FRYL: variants seen among roughly 807,000 people sequenced by gnomAD.
The protein encoded by FRYL is FRY like transcription coactivator.
Under a neutral mutation model 351.2 loss-of-function variants are expected in FRYL, and 150 were observed. The observed-to-expected ratio is 0.43, with a 90% CI of 0.37 to 0.49. The LOEUF (loss-of-function observed/expected upper bound fraction) is 0.49, where lower values mean the gene tolerates loss of function less well. Among genes scored for constraint, FRYL ranks in the 20% least tolerant of loss-of-function variants. FRYL has a pLI of 0.00. For missense variants in FRYL, 3,036 were observed against 3,619.3 expected, an observed-to-expected ratio of 0.84 and a Z score of 4.13; for synonymous variants, 1,153 against 1,257.1, an observed-to-expected ratio of 0.92 and a Z score of 1.75.
chr4:48,565,084 G>C, intron 29 of FRYL, 41 bp from the exon 30 acceptor site: 1 of 1,174,758 alleles, frequency 8.5e-7, no homozygotes. Flanking sequence ...ACAAATTTAA[G>C]AGGTTAAATG....
At chr4:48,711,660 C>A (rs1465465452) in intron 1 of FRYL, among the ~76,000 whole-genome samples, 1 of 152,178 alleles carries the variant, frequency 6.6e-6, no homozygotes, top group Non-Finnish European at 1.5e-5. Context: ...AAAAAGACAG[C>A]AGTAACCTCT....
At chr4:48,535,988 C>T (rs1334233321) in intron 47 of FRYL, among the ~76,000 whole-genome samples, 161 bp from the exon 48 acceptor site, 4 of 152,124 alleles carry the variant, frequency 2.6e-5, no homozygotes, top group Non-Finnish European at 5.9e-5. Context: ...AAAAAAAGCA[C>T]AAGGCATTCT....
At chr4:48,565,426 C>T in intron 29 of FRYL, 105 bp downstream of exon 29, 1 of 798,886 alleles carries the variant, frequency 1.3e-6, no homozygotes, top group Non-Finnish European at 1.8e-6. Context: ...GGCAGAAAAA[C>T]ATTTTAATAC....
chr4:48,670,891 A>C (rs187090940), intron 3 of FRYL, among the ~76,000 whole-genome samples: 1 of 152,322 alleles, frequency 6.6e-6, no homozygotes, highest in Admixed American at 6.5e-5. Context: ...TGTTGTGAAT[A>C]GTGCTGCAAT....
rs370047744 is a variant in FRYL at position 48,536,849 on chromosome 4, G to A, written c.6394-1022C>T. Among the ~76,000 whole-genome samples the A allele has an allele frequency of 1.2e-4, 19 of 152,236 alleles. No individual in the cohort carries two copies. In the East Asian group the frequency reaches 3.7e-3, roughly 29 times the overall value. On this transcript the variant is annotated intron_variant, in intron 47 of 63. Coordinates refer to ENST00000358350, the MANE Select transcript of FRYL (RefSeq NM_015030.2). ...GAATATCACTAATTTTGGTAATTCGGAAGATGTTTAATAGGCTTGGAGGGC... is the reference window on the plus strand; with the variant it reads ...GAATATCACTAATTTTGGTAATTCGAAAGATGTTTAATAGGCTTGGAGGGC...
At chr4:48,588,669 G>A (rs983703017) in intron 18 of FRYL, among the ~76,000 whole-genome samples, 1 of 152,014 alleles carries the variant, frequency 6.6e-6, no homozygotes, top group African/African-American at 2.4e-5. Flanking sequence ...AAAGGCATTG[G>A]CCCATGGGCC....
chr4:48,671,332 A>G (rs1578651323), intron 3 of FRYL, among the ~76,000 whole-genome samples: 1 of 152,166 alleles, frequency 6.6e-6, no homozygotes, highest in Non-Finnish European at 1.5e-5. Flanking sequence ...TCACACAATC[A>G]TTTGGCAGTA....
chr4:48,537,501 T>C (rs1729141749), intron 47 of FRYL, among the ~76,000 whole-genome samples: 1 of 152,224 alleles, frequency 6.6e-6, no homozygotes, highest in African/African-American at 2.4e-5. Flanking sequence ...GAACTAGGGA[T>C]ATTTGCATAA....
At chr4:48,708,071 C>T (rs1241804520) in intron 2 of FRYL, among the ~76,000 whole-genome samples, 6 of 151,912 alleles carry the variant, frequency 3.9e-5, no homozygotes, top group Non-Finnish European at 5.9e-5. Context: ...CAGCCTGCCT[C>T]GGCCTCCCAA....
chr4:48,512,088 C>G (rs1029434677), intron 57 of FRYL, among the ~76,000 whole-genome samples: 3 of 152,162 alleles, frequency 2.0e-5, no homozygotes, highest in Non-Finnish European at 2.9e-5. Context: ...AAGGTCCTCA[C>G]AAAGTCAATG....
chr4:48,759,074 C>T (rs1262280804), intron 1 of FRYL, among the ~76,000 whole-genome samples: 1 of 151,980 alleles, frequency 6.6e-6, no homozygotes, highest in African/African-American at 2.4e-5. Context: ...CACACCAGGG[C>T]CTGTCATGGC....
At chr4:48,727,774 G>T (rs1359880172) in intron 1 of FRYL, among the ~76,000 whole-genome samples, 1 of 152,098 alleles carries the variant, frequency 6.6e-6, no homozygotes, top group Non-Finnish European at 1.5e-5. Context: ...TAACTAACTT[G>T]GGGGTAGGTT....
At chr4:48,740,722 A>G (rs1442164527) in intron 1 of FRYL, among the ~76,000 whole-genome samples, 3 of 152,194 alleles carry the variant, frequency 2.0e-5, no homozygotes, top group Non-Finnish European at 4.4e-5. Context: ...ATGAAATACC[A>G]CTACCCACTT....
intron 53 of FRYL, among the ~76,000 whole-genome samples, chr4:48,526,774 G>C (rs1366718302): frequency 2.0e-5 from 3 of 152,110 alleles, no homozygotes; most frequent in Non-Finnish European, 4.4e-5. Flanking sequence ...ATTCCATTTA[G>C]AAAGCATCTC....
chr4:48,753,073 C>T (rs745849426), intron 1 of FRYL, among the ~76,000 whole-genome samples: 4 of 152,100 alleles, frequency 2.6e-5, no homozygotes, highest in Non-Finnish European at 5.9e-5. Flanking sequence ...TGGAAAAAAA[C>T]ATGACATGAT....
At position 48,540,640 on chromosome 4, in the gene FRYL, A is replaced by T. The variant is rs1729952366; in HGVS notation, c.6008T>A (p.Ile2003Asn). Residue 2003 changes from isoleucine (I) to asparagine (N), a missense_variant, in exon 46 of 64, where the codon ATT (isoleucine) becomes AAT (asparagine). Physicochemically the swap from Ile to Asn is moderately radical, Grantham distance 149. Around this residue, in one of 7 missense-constraint regions of FRYL, gnomAD observed 1,987 missense variants for 2,311.7 expected, o/e 0.86. Transcript: ENST00000358350. ...TTEPTNLMAT[I>N]FWIAASLLES... Reference sequence around the variant, plus strand: ...TAATAAAGATGCTGCTATCCAAAAAATGGTGGCCATCAAGTTGGTAGGCTC... The same window carrying T: ...TAATAAAGATGCTGCTATCCAAAAATTGGTGGCCATCAAGTTGGTAGGCTC... The T allele has an allele frequency of 6.2e-7, 1 of 1,613,918 alleles. No homozygotes were observed. The highest frequency in any genetic ancestry group is 8.5e-7 in the Non-Finnish European group (1 of 1,179,948).
chr4:48,510,028 C>T lies in FRYL; in HGVS notation c.8394+31G>A, dbSNP rs181986849. Reference sequence around the variant, plus strand: ...TACCCTTCCAGTGTCAAGAGCAAACCACTTTTCGCACATGGTAAAAAGAGA... The same window carrying T: ...TACCCTTCCAGTGTCAAGAGCAAACTACTTTTCGCACATGGTAAAAAGAGA... On this transcript the variant is annotated intron_variant, in intron 59 of 63. Transcript: ENST00000358350. 2,696 of 1,485,226 alleles carry T rather than the reference C, an allele frequency of 1.8e-3. 12 individuals carry two copies. The highest frequency in any genetic ancestry group is 3.6e-3 in the Middle Eastern group (21 of 5,820). 92.0% of individuals were successfully genotyped at this position (1,485,226 alleles called of 1,614,324 possible).
chr4:48,779,876 G>A (rs1429119456), intron 1 of FRYL, among the ~76,000 whole-genome samples: 5 of 151,454 alleles, frequency 3.3e-5, no homozygotes, highest in African/African-American at 7.3e-5. Flanking sequence ...TGTCCGTTAC[G>A]AGCGCCGGCC....
chr4:48,744,412 A>T (rs936290091), intron 1 of FRYL, among the ~76,000 whole-genome samples: 4 of 152,342 alleles, frequency 2.6e-5, no homozygotes, highest in African/African-American at 9.6e-5. Flanking sequence ...ATTATAAATG[A>T]CAAGGAAAAA....
Sources: allele counts gnomAD v4.1 joint callset (sites outside exome capture counted in the v4.1 genomes callset), GRCh38; gene constraint gnomAD v4.1.1; regional missense constraint gnomAD v4.1.1; transcripts MANE v1.5; gene names NCBI Gene and HGNC (gene_info 2026-07-23, HGNC 2026-07-21).